MAGEC3: variants seen among roughly 807,000 people sequenced by gnomAD.
MAGEC3 encodes the protein MAGE family member C3, also known as melanoma-associated antigen C3.
MAGEC3 carries 34 observed loss-of-function variants against 35.3 expected under a neutral mutation model. The observed-to-expected ratio is 0.96, with a 90% confidence interval of 0.73 to 1.28. The LOEUF is 1.28. MAGEC3 is among the 50% of genes most tolerant of loss of function. The pLI is 0.00. For synonymous variants in MAGEC3, 202 were observed against 185.6 expected (o/e 1.09, Z -0.72); for missense variants, 561 against 483.6 (o/e 1.16, Z -1.50).
intron 1 of MAGEC3, among the ~76,000 whole-genome samples, chrX:141,848,795 A>G (rs1479604613): frequency 9.0e-6 from 1 of 111,207 alleles, no homozygotes; most frequent in Non-Finnish European, 1.9e-5. Context: ...TTCATATGGA[A>G]TCCAAAAAGA....
intron 4 of MAGEC3, among the ~76,000 whole-genome samples, chrX:141,887,848 C>T (rs998109854): frequency 2.7e-5 from 3 of 111,826 alleles, no homozygotes; most frequent in African/African-American, 9.8e-5. Flanking sequence ...GAGCAAGGCC[C>T]TTCAATCTTC....
chrX:141,866,522 T>C (rs1364846128), intron 2 of MAGEC3, among the ~76,000 whole-genome samples: 1 of 112,320 alleles, frequency 8.9e-6, no homozygotes, highest in East Asian at 2.8e-4. Flanking sequence ...TGCAAGCTAG[T>C]GCAACCTTTT....
At chrX:141,872,009 G>A (rs748694505) in intron 2 of MAGEC3, among the ~76,000 whole-genome samples, 373 of 110,101 alleles carry the variant, frequency 3.4e-3, no homozygotes, top group African/African-American at 0.012. Context: ...GGAGAAAGGG[G>A]TTTTAGGGGA....
chrX:141,875,020 T>C (rs2017911719), intron 2 of MAGEC3, among the ~76,000 whole-genome samples: 1 of 111,614 alleles, frequency 9.0e-6, no homozygotes, highest in South Asian at 3.7e-4. Context: ...TGAACGCTGA[T>C]CTATACAAAG....
At chrX:141,851,215 G>T (rs1265999775) in intron 1 of MAGEC3, among the ~76,000 whole-genome samples, 1 of 110,390 alleles carries the variant, frequency 9.1e-6, no homozygotes, top group African/African-American at 3.3e-5. Context: ...TGGATATTGG[G>T]GGTAGTCTCA....
At position 141,895,308 on chromosome X, in the gene MAGEC3, C is replaced by T. The variant is rs771060940; in HGVS notation, c.949C>T (p.Arg317Ter). Residue 317 changes from arginine to a stop codon, truncating the protein, a stop_gained, in exon 5 of 8, where the codon CGA becomes TGA. Transcript: ENST00000298296. LOFTEE classifies it high-confidence loss of function. ...ALAGFADVLS[R>*]LALWESEGPE... is the part of the protein sequence containing the mutation. The stretch of plus-strand genomic sequence containing the variant: ...GGCAGGGTTCGCGGATGTGCTTTCC[C>T]GACTTGCACTGTGGGAGTCTGAAGG... The T allele has an allele frequency of 4.1e-6, 5 of 1,208,092 alleles. No individual in the cohort carries two copies. Among genetic ancestry groups the T allele is most frequent in the South Asian group, 3.5e-5 (2 of 56,669 alleles).
intron 1 of MAGEC3, among the ~76,000 whole-genome samples, chrX:141,861,634 C>T (rs756103655): frequency 3.6e-5 from 4 of 111,536 alleles, no homozygotes; most frequent in Admixed American, 1.9e-4. Context: ...ATATTTACAA[C>T]CATCTGATCT....
intron 1 of MAGEC3, among the ~76,000 whole-genome samples, chrX:141,859,536 T>A (rs2017802230): frequency 9.0e-6 from 1 of 111,678 alleles, no homozygotes; most frequent in South Asian, 3.7e-4. Context: ...ATCTGTATTT[T>A]AAAAATATAT....
At chrX:141,874,808 C>A (rs1226865447) in intron 2 of MAGEC3, among the ~76,000 whole-genome samples, 1 of 41,611 alleles carries the variant, frequency 2.4e-5, no homozygotes, top group African/African-American at 8.0e-5. Flanking sequence ...CATTTTAAAT[C>A]TGGAAATGGT....
At chrX:141,843,119 A>G (rs929543494) in intron 1 of MAGEC3, among the ~76,000 whole-genome samples, 1 of 112,644 alleles carries the variant, frequency 8.9e-6, no homozygotes, top group Non-Finnish European at 1.9e-5. Context: ...TTTATCATGT[A>G]AATGAATGAT....
chrX:141,879,111 G>A (rs2124114094), intron 2 of MAGEC3, 64 bp from the exon 3 acceptor site: 1 of 1,113,595 alleles, frequency 9.0e-7, no homozygotes, highest in East Asian at 3.1e-5. Flanking sequence ...AGCCTCTCGG[G>A]AAGGCAGGAA....
At chrX:141,860,348 A>G (rs2017807655) in intron 1 of MAGEC3, among the ~76,000 whole-genome samples, 1 of 112,227 alleles carries the variant, frequency 8.9e-6, no homozygotes, top group African/African-American at 3.2e-5. Context: ...GCTTATGTTT[A>G]TAAACATAAA....
chrX:141,845,139 TAATTTCCCAAGTTTTGCAGTTAGTGCC>T, intron 1 of MAGEC3, among the ~76,000 whole-genome samples: 1 of 111,193 alleles, frequency 9.0e-6, no homozygotes, highest in East Asian at 2.8e-4. Context: ...ATCTCAAAAA[TAATTTCCCAAGTTTTGCAGTTAGTGCC>T]AAGGACATTT....
At chrX:141,877,935 T>G (rs931814307) in intron 2 of MAGEC3, among the ~76,000 whole-genome samples, 30 of 112,065 alleles carry the variant, frequency 2.7e-4, no homozygotes, top group African/African-American at 9.7e-4. Flanking sequence ...TACATTGTTT[T>G]TAACAAACAT....
At chrX:141,866,338 A>G (rs148432830) in intron 2 of MAGEC3, among the ~76,000 whole-genome samples, 2,332 of 112,062 alleles carry the variant, frequency 0.021, 16 homozygotes, top group Middle Eastern at 0.037. Flanking sequence ...TTAAGTATGC[A>G]ATTCAGGTAA....
intron 2 of MAGEC3, among the ~76,000 whole-genome samples, chrX:141,876,829 C>G (rs1195785745): frequency 8.9e-6 from 1 of 112,074 alleles, no homozygotes; most frequent in Non-Finnish European, 1.9e-5. Flanking sequence ...TTTTAAAAAT[C>G]AGTTAAGCAC....
chrX:141,878,138 G>A (rs1569474353), intron 2 of MAGEC3, among the ~76,000 whole-genome samples: 1 of 111,349 alleles, frequency 9.0e-6, no homozygotes, highest in Non-Finnish European at 1.9e-5. Context: ...AGTTTCGTAT[G>A]GTTAGGTATT....
At chrX:141,855,542 A>G (rs2017775516) in intron 1 of MAGEC3, among the ~76,000 whole-genome samples, 2 of 111,442 alleles carry the variant, frequency 1.8e-5, no homozygotes, top group South Asian at 7.3e-4. Context: ...AGAATAAATG[A>G]AAAGCATATT....
intron 1 of MAGEC3, among the ~76,000 whole-genome samples, chrX:141,840,839 G>C (rs1178300445): frequency 1.4e-4 from 15 of 109,831 alleles, no homozygotes; most frequent in Non-Finnish European, 7.6e-5. Context: ...TCAGTAAATA[G>C]TTAATGAATA....
Sources: gnomAD v4.1 joint callset for allele counts (sites outside exome capture counted in the v4.1 genomes callset) on GRCh38, gnomAD v4.1.1 for gene constraint, MANE v1.5 for transcripts, NCBI Gene and HGNC (gene_info 2026-07-23, HGNC 2026-07-21) for gene names.